Variants in PLCG2 observed in about 807,000 individuals in gnomAD.
The protein encoded by PLCG2 is 1-phosphatidylinositol 4,5-bisphosphate phosphodiesterase gamma-2.
PLCG2 carries 69 observed loss-of-function variants against 175.6 expected under a neutral mutation model. The observed-to-expected ratio is 0.39, with a 90% CI of 0.32 to 0.48. PLCG2 has a LOEUF of 0.48. Ranked by LOEUF, PLCG2 falls within the 20% of genes least tolerant of loss-of-function variation. The probability of loss-of-function intolerance (pLI) is 0.91; values close to 1 mark genes in which losing one functional copy is unlikely to be tolerated. For synonymous variants in PLCG2, 827 were observed against 624.0 expected (o/e 1.33, Z -4.85); for missense variants, 1,798 against 1,650.9 (o/e 1.09, Z -1.54).
chr16:81,953,305 C>T (rs778384767), intron 31 of PLCG2, among the ~76,000 whole-genome samples: 5 of 151,826 alleles, frequency 3.3e-5, no homozygotes, highest in African/African-American at 7.3e-5. Flanking sequence ...AGTATTGCAC[C>T]GATATTAATT....
chr16:81,853,376 C>G (rs529709598), intron 2 of PLCG2, among the ~76,000 whole-genome samples: 2 of 151,960 alleles, frequency 1.3e-5, no homozygotes, highest in South Asian at 2.1e-4. Context: ...AGACCCTGAA[C>G]TGGTACAGCA....
At chr16:81,931,012 T>C (rs560402811) in intron 24 of PLCG2, among the ~76,000 whole-genome samples, 1 of 152,362 alleles carries the variant, frequency 6.6e-6, no homozygotes, top group Non-Finnish European at 1.5e-5. Context: ...CAAAAAGATA[T>C]TCAGTGTTTC....
intron 5 of PLCG2, among the ~76,000 whole-genome samples, chr16:81,864,364 C>G (rs1387989082): frequency 6.6e-6 from 1 of 152,216 alleles, no homozygotes; most frequent in Non-Finnish European, 1.5e-5. Flanking sequence ...AAATACTTAG[C>G]TCCTCAGTGG....
At chr16:81,750,162 C>T (rs1351559941) in intron 1 of PLCG2, among the ~76,000 whole-genome samples, 2 of 152,128 alleles carry the variant, frequency 1.3e-5, no homozygotes, top group Non-Finnish European at 2.9e-5. Flanking sequence ...AATCCCAGCA[C>T]TTTGGGAGAA....
chr16:81,845,389 A>G (rs1009053803), intron 2 of PLCG2, among the ~76,000 whole-genome samples: 14 of 152,136 alleles, frequency 9.2e-5, no homozygotes, highest in Non-Finnish European at 1.6e-4. Context: ...ACAGTCGCAC[A>G]CTCATTTAAT....
chr16:81,928,666 C>G (rs374115335), intron 24 of PLCG2, 42 bp downstream of exon 24: 11 of 1,368,144 alleles, frequency 8.0e-6, no homozygotes, highest in Non-Finnish European at 8.4e-6. Context: ...CCACCCCTAT[C>G]CCCCATGGGC....
At chr16:81,857,524 G>C (rs868398445) in intron 3 of PLCG2, among the ~76,000 whole-genome samples, 7 of 151,084 alleles carry the variant, frequency 4.6e-5, no homozygotes, top group African/African-American at 1.7e-4. Flanking sequence ...GATGCTGGAT[G>C]GTTGAGTTCT....
chr16:81,814,872 G>C (rs1904474411), intron 2 of PLCG2, among the ~76,000 whole-genome samples: 1 of 152,188 alleles, frequency 6.6e-6, no homozygotes, highest in African/African-American at 2.4e-5. Flanking sequence ...TCTCCCCATA[G>C]AGTTGGGATA....
In PLCG2 at chr16:81,816,651, A is replaced by ACTTTTTT. The variant is rs1555509092; in HGVS notation, c.193+30469_193+30470insCTTTTTT. ...GCACCACCATGCCCAGCTAATTTTA[A>ACTTTTTT]TTTTTTTTTTTTTTTTTTTTTTTTT... On this transcript the variant is annotated intron_variant, in intron 2 of 32. Transcript: ENST00000564138. Among the ~76,000 whole-genome samples the ACTTTTTT allele has an allele frequency of 1.7e-3, 182 of 108,874 alleles. 67 individuals are homozygous for ACTTTTTT. The highest frequency in any genetic ancestry group is 5.8e-3 in the Middle Eastern group (1 of 172). 71.4% of individuals were successfully genotyped at this position (108,874 alleles called of 152,430 possible).
At chr16:81,920,373 T>C (rs904304906) in intron 20 of PLCG2, among the ~76,000 whole-genome samples, 1 of 152,202 alleles carries the variant, frequency 6.6e-6, no homozygotes. Context: ...GAACAAAATC[T>C]GCTTTGGGAA....
chr16:81,786,100 C>A lies in PLCG2; in HGVS notation c.111C>A (p.Thr37=). The A allele has an allele frequency of 6.2e-7, 1 of 1,614,162 alleles. No individual in the cohort carries two copies. The highest frequency in any genetic ancestry group is 1.7e-5 in the Admixed American group (1 of 60,016). ...CTGTGTTCAGCTTCCGCAAGTCCAC[C>A]CCCGAGCGGAGAACCGTCCAGGTGA... The part of the protein sequence containing the change: ...VMTVFSFRKS[T]PERRTVQVIM... The change falls in exon 2 of 33, where the codon ACC becomes ACA. Residue 37 remains threonine (T), a synonymous_variant. Coordinates refer to ENST00000564138, the MANE Select transcript of PLCG2 (RefSeq NM_002661.5).
At chr16:81,927,659 C>G (rs1597137765) in intron 23 of PLCG2, among the ~76,000 whole-genome samples, 1 of 152,246 alleles carries the variant, frequency 6.6e-6, no homozygotes, top group East Asian at 1.9e-4. Context: ...CGTGCTAGCA[C>G]TCCACCAAGG....
At chr16:81,772,339 A>G (rs1005122905) in intron 2 of PLCG2, among the ~76,000 whole-genome samples, 2 of 152,168 alleles carry the variant, frequency 1.3e-5, no homozygotes, top group African/African-American at 4.8e-5. Context: ...CCTAGGGCCT[A>G]AGGAGGGAAC....
chr16:81,752,774 C>A, intron 1 of PLCG2, among the ~76,000 whole-genome samples: 1 of 152,214 alleles, frequency 6.6e-6, no homozygotes, highest in Non-Finnish European at 1.5e-5. Context: ...GAAGTGAGGG[C>A]CAGTGCTGGA....
In PLCG2 at chr16:81,803,522, C is replaced by G. The variant is rs55824979; in HGVS notation, c.193+17340C>G. ...ACTGTTTTCATTTTCTTTGTTCTTT[C>G]TTTCCTTTCTTTCTTTTCTTTCTTT... On this transcript the variant is annotated intron_variant, in intron 2 of 32. Transcript: ENST00000564138. Among the ~76,000 whole-genome samples the G allele has an allele frequency of 6.0e-3, 783 of 130,134 alleles. 9 individuals are homozygous for G. The highest frequency in any genetic ancestry group is 0.021 in the Middle Eastern group (5 of 242). The allele number at this position is 130,134 out of a possible 152,430, so 85.4% of individuals were successfully genotyped here. A position where few individuals can be genotyped will look rare whatever the true frequency, so the allele number is the denominator to read the frequency against.
chr16:81,750,971 CTT>C (rs34518159), intron 1 of PLCG2, among the ~76,000 whole-genome samples: 2,033 of 41,654 alleles, frequency 0.049, 49 homozygotes, highest in African/African-American at 0.11. Flanking sequence ...CCGCACCCAG[CTT>C]TTTTTTTTTT....
chr16:81,756,873 G>T (rs867961413), intron 2 of PLCG2, among the ~76,000 whole-genome samples: 1 of 152,112 alleles, frequency 6.6e-6, no homozygotes, highest in Non-Finnish European at 1.5e-5. Flanking sequence ...TCTGTCTTGA[G>T]AGCCCCACAG....
At chr16:81,947,281 G>C (rs1490606937) in intron 31 of PLCG2, among the ~76,000 whole-genome samples, 1 of 152,292 alleles carries the variant, frequency 6.6e-6, no homozygotes, top group African/African-American at 2.4e-5. Flanking sequence ...GCGTTGTGTG[G>C]GGTTCTAAAT....
In PLCG2 at chr16:81,804,747, C is replaced by T. The variant is rs977512228; in HGVS notation, c.193+18565C>T. 3.9e-5 allele frequency among the ~76,000 whole-genome samples: 6 copies of T among 152,262 alleles called. No individual in the cohort carries two copies. In the South Asian group the frequency reaches 1.0e-3, roughly 26 times the overall value. On this transcript the variant is annotated intron_variant, in intron 2 of 32. Transcript: ENST00000564138. ...CTGGAAATGCTTCTTCCTAACTGTC[C>T]ACTTTGAGCTCCTCTGCCTCCTCTT... is the stretch of plus-strand genomic sequence containing the variant.
Sources: allele counts gnomAD v4.1 joint callset (sites outside exome capture counted in the v4.1 genomes callset), GRCh38; gene constraint gnomAD v4.1.1; transcripts MANE v1.5; gene names NCBI Gene and HGNC (gene_info 2026-07-23, HGNC 2026-07-21).